WDHD1: variants seen among roughly 807,000 people sequenced by gnomAD.
The protein encoded by WDHD1 is WD repeat and HMG-box DNA-binding protein 1.
Under a neutral mutation model 135.4 loss-of-function variants are expected in WDHD1, and 111 were observed. The observed-to-expected ratio is 0.82, with a 90% CI of 0.70 to 0.96. WDHD1 has a LOEUF of 0.96. Among genes scored for constraint, WDHD1 ranks in the 40% least tolerant of loss-of-function variants. WDHD1 has a pLI of 0.00. For missense variants in WDHD1, 1,351 were observed against 1,336.3 expected (o/e 1.01, Z -0.17); for synonymous variants, 434 against 439.0 (o/e 0.99, Z 0.14).
intron 11 of WDHD1, among the ~76,000 whole-genome samples, chr14:54,994,029 A>C (rs950930553): frequency 6.6e-6 from 1 of 152,142 alleles, no homozygotes; most frequent in Non-Finnish European, 1.5e-5. Context: ...TTTACTTGAT[A>C]ATGTTCAAGT....
At chr14:54,989,943 C>T (rs534989986) in intron 12 of WDHD1, among the ~76,000 whole-genome samples, 11 of 152,226 alleles carry the variant, frequency 7.2e-5, no homozygotes, top group African/African-American at 1.4e-4. Context: ...GGATTATAGG[C>T]GTGAGCCATC....
At chr14:54,968,830 C>T (rs959101886) in intron 16 of WDHD1, among the ~76,000 whole-genome samples, 2 of 152,076 alleles carry the variant, frequency 1.3e-5, no homozygotes, top group African/African-American at 4.8e-5. Context: ...CACTTGAGGT[C>T]AGAAGTTTGA....
At position 54,993,733 on chromosome 14, in the gene WDHD1, C is replaced by G. The variant is rs2041830477; in HGVS notation, c.1153+1870G>C. Among the ~76,000 whole-genome samples, 3 of 141,978 alleles carry G rather than the reference C, an allele frequency of 2.1e-5. No homozygotes were observed. The South Asian group carries it at 6.6e-4, about 31-fold the overall frequency. The allele number at this position is 141,978 out of a possible 152,430, so 93.1% of individuals were successfully genotyped here. ...GATAGACATTACAAAGATTGCAATGCCACTCTTCTCACTAATTTTTTTTGT... is the reference window on the plus strand; with the variant it reads ...GATAGACATTACAAAGATTGCAATGGCACTCTTCTCACTAATTTTTTTTGT... On this transcript the variant is annotated intron_variant, in intron 11 of 25. Coordinates refer to ENST00000360586, the MANE Select transcript of WDHD1 (RefSeq NM_007086.4).
chr14:55,005,155 C>A, intron 7 of WDHD1: 1 of 537,274 alleles, frequency 1.9e-6, no homozygotes, highest in South Asian at 1.4e-5. Context: ...CTTCCTGGAT[C>A]GGCATCCACC....
Position 55,007,265 on chromosome 14 carries a change from A to C in WDHD1, c.600+15T>G. On this transcript the variant is annotated intron_variant, in intron 7 of 25. Transcript: ENST00000360586. Reference sequence around the variant, plus strand: ...AAAAAAAAAAGAAAAGAAAAGAAAAATAAGAATCACTTACCTTCCCACTTT... The same window carrying C: ...AAAAAAAAAAGAAAAGAAAAGAAAACTAAGAATCACTTACCTTCCCACTTT... 1 of 1,555,572 alleles carries C rather than the reference A, an allele frequency of 6.4e-7. No individual in the cohort carries two copies. Among genetic ancestry groups the C allele is most frequent in the Non-Finnish European group, 8.7e-7 (1 of 1,155,446 alleles).
intron 7 of WDHD1, 91 bp from the exon 8 acceptor site, chr14:55,002,276 A>G (rs2041991628): frequency 5.5e-6 from 5 of 906,312 alleles, no homozygotes; most frequent in Non-Finnish European, 8.5e-6. Flanking sequence ...AGATATATTT[A>G]CAAGACATAA....
chr14:54,997,026 G>A (rs550824593), intron 10 of WDHD1, among the ~76,000 whole-genome samples: 3 of 150,088 alleles, frequency 2.0e-5, no homozygotes, highest in South Asian at 4.2e-4. Flanking sequence ...TCTTGACCTC[G>A]TGATCCACCC....
At chr14:54,975,063 G>A (rs1488391328) in intron 16 of WDHD1, among the ~76,000 whole-genome samples, 5 of 152,142 alleles carry the variant, frequency 3.3e-5, no homozygotes, top group South Asian at 2.1e-4. Flanking sequence ...ACATCTAGTC[G>A]GTACTATAAT....
At chr14:55,008,445 A>G in intron 5 of WDHD1, 79 bp from the exon 6 acceptor site, 2 of 1,517,030 alleles carry the variant, frequency 1.3e-6, no homozygotes, top group Non-Finnish European at 1.8e-6. Flanking sequence ...ATTAAATCAA[A>G]AAGCCCTTTT....
At position 54,984,771 on chromosome 14, in the gene WDHD1, G is replaced by C. The variant is rs1283664976; in HGVS notation, c.1858C>G (p.Pro620Ala). 4.4e-5 allele frequency: 71 copies of C among 1,613,740 alleles called. No homozygotes were observed. Among genetic ancestry groups the C allele is most frequent in the Middle Eastern group, 1.6e-4 (1 of 6,082 alleles). Reference sequence around the variant, plus strand: ...GCAAGGTAGGATTTCCTTGTAAGAGGAAGAGGGTCACCATGCAAAATTTGT... The same window carrying C: ...GCAAGGTAGGATTTCCTTGTAAGAGCAAGAGGGTCACCATGCAAAATTTGT... ...KKQILHGDPL[P>A]LTRKSYLAWI... The change falls in exon 15 of 26, where the codon CCT (proline) becomes GCT (alanine). Residue 620 changes from proline to alanine, a missense_variant. Pro to Ala is a conservative substitution (Grantham distance 27). Coordinates refer to ENST00000360586, the MANE Select transcript of WDHD1 (RefSeq NM_007086.4).
chr14:54,994,982 ATCTTT>A (rs2041853557), intron 11 of WDHD1, among the ~76,000 whole-genome samples: 1 of 151,850 alleles, frequency 6.6e-6, no homozygotes. Flanking sequence ...AATTTTATTG[ATCTTT>A]TCTTTTCTTT....
At chr14:54,992,534 A>G (rs2041809184) in intron 11 of WDHD1, among the ~76,000 whole-genome samples, 2 of 152,158 alleles carry the variant, frequency 1.3e-5, no homozygotes, top group Admixed American at 1.3e-4. Flanking sequence ...AAAAATTAAG[A>G]TATTGGAAAG....
intron 11 of WDHD1, among the ~76,000 whole-genome samples, chr14:54,992,349 G>A (rs549292024): frequency 2.4e-4 from 36 of 152,250 alleles, no homozygotes; most frequent in Admixed American, 5.9e-4. Flanking sequence ...AATTAGCCTG[G>A]CATGGTGGCG....
chr14:55,004,389 T>C (rs574774333), intron 7 of WDHD1, among the ~76,000 whole-genome samples: 3 of 152,364 alleles, frequency 2.0e-5, no homozygotes, highest in African/African-American at 7.2e-5. Context: ...ATTATTTGCA[T>C]CACTTTTCTT....
At position 54,984,866 on chromosome 14, in the gene WDHD1, G is replaced by A. The variant is rs765678335; in HGVS notation, c.1769-6C>T. 6.2e-7 allele frequency: 1 copy of A among 1,607,478 alleles called. No individual in the cohort carries two copies. Among genetic ancestry groups the A allele is most frequent in the Non-Finnish European group, 8.5e-7 (1 of 1,178,170 alleles). On this transcript the variant is annotated splice_region_variant and splice_polypyrimidine_tract_variant and intron_variant, in intron 14 of 25. Coordinates refer to ENST00000360586, the MANE Select transcript of WDHD1 (RefSeq NM_007086.4). Reference sequence around the variant, plus strand: ...ATCCCCATCAAATCCTGTACCTAATGAGAAAATGTAAATATAAATCAGGCA... The same window carrying A: ...ATCCCCATCAAATCCTGTACCTAATAAGAAAATGTAAATATAAATCAGGCA...
At chr14:54,990,803 C>A (rs997341016) in intron 12 of WDHD1, among the ~76,000 whole-genome samples, 3 of 152,140 alleles carry the variant, frequency 2.0e-5, no homozygotes, top group Non-Finnish European at 2.9e-5. Context: ...CTTTTCCCCC[C>A]ATAGTACTTG....
At chr14:54,945,348 C>T (rs953579368) in intron 24 of WDHD1, among the ~76,000 whole-genome samples, 6 of 152,154 alleles carry the variant, frequency 3.9e-5, no homozygotes, top group African/African-American at 1.4e-4. Context: ...TTACTATCTA[C>T]CAGGCACTAC....
At chr14:55,006,857 C>A (rs142265623) in intron 7 of WDHD1, among the ~76,000 whole-genome samples, 20 of 152,078 alleles carry the variant, frequency 1.3e-4, no homozygotes, top group African/African-American at 4.3e-4. Flanking sequence ...AATTTATAAT[C>A]CAAATTTTTA....
At chr14:55,013,729 G>C in intron 2 of WDHD1, 133 bp from the exon 3 acceptor site, 1 of 640,316 alleles carries the variant, frequency 1.6e-6, no homozygotes. Flanking sequence ...AATACAGAGA[G>C]ACCTAGTCTC....
Sources: gnomAD v4.1 joint callset for allele counts (sites outside exome capture counted in the v4.1 genomes callset) on GRCh38, gnomAD v4.1.1 for gene constraint, MANE v1.5 for transcripts, NCBI Gene and HGNC (gene_info 2026-07-23, HGNC 2026-07-21) for gene names.